MYO9B: variants seen among roughly 807,000 people sequenced by gnomAD.
MYO9B encodes the protein myosin IXB, also known as unconventional myosin-IXb.
A neutral mutation model predicts 229.5 loss-of-function variants in MYO9B; 71 were observed. The ratio of observed to expected loss-of-function variants is 0.31; its 90% CI spans 0.26 to 0.38. MYO9B has a LOEUF of 0.38. Ranked by LOEUF, MYO9B falls within the 10% of genes least tolerant of loss-of-function variation. The pLI is 1.00. For synonymous variants in MYO9B, 1,185 were observed against 1,235.8 expected, an observed-to-expected ratio of 0.96 and a Z score of 0.86; for missense variants, 2,255 against 2,920.5, an observed-to-expected ratio of 0.77 and a Z score of 5.25.
intron 11 of MYO9B, among the ~76,000 whole-genome samples, chr19:17,170,116 T>C (rs561376962): frequency 1.3e-5 from 2 of 151,974 alleles, no homozygotes; most frequent in Non-Finnish European, 2.9e-5. Flanking sequence ...AGGCTAGTCT[T>C]GAACTCCTGG....
chr19:17,119,512 G>A (rs1000380501), intron 2 of MYO9B, among the ~76,000 whole-genome samples: 6 of 152,158 alleles, frequency 3.9e-5, no homozygotes, highest in South Asian at 4.1e-4. Context: ...GCCTGAGTGC[G>A]CTCCCATCCT....
At chr19:17,135,266 AG>A (rs199673138) in intron 2 of MYO9B, among the ~76,000 whole-genome samples, 63 of 142,822 alleles carry the variant, frequency 4.4e-4, no homozygotes, top group African/African-American at 1.8e-3. Context: ...ATATTATAAA[AG>A]AAAAAAAAAT....
chr19:17,194,128 T>C (rs920064084), intron 21 of MYO9B, among the ~76,000 whole-genome samples: 61 of 151,930 alleles, frequency 4.0e-4, no homozygotes, highest in African/African-American at 1.5e-3. Flanking sequence ...GCCAAGATCG[T>C]GCCACTGCAT....
rs746341414 is a variant in MYO9B at position 17,209,606 on chromosome 19, A to C, written c.5645A>C (p.Lys1882Thr). ...TGTAGGTGCGTGGAGATGCTGATCA[A>C]GGAGCAGATGAGGAAATACAAAGTG... Reference protein sequence around the residue: ...KITTCVEMLIKEQMRKYKVKM... With the variant: ...KITTCVEMLITEQMRKYKVKM... Residue 1882 changes from lysine (K) to threonine (T), a missense_variant, in exon 36 of 40, where the codon AAG becomes ACG. Lys to Thr is a moderately conservative substitution (Grantham distance 78). Transcript: ENST00000682292. The C allele has an allele frequency of 6.3e-7, 1 of 1,599,778 alleles. No homozygotes were observed. The highest frequency in any genetic ancestry group is 1.1e-5 in the South Asian group (1 of 88,686).
At chr19:17,161,425 TC>T (rs1478664344) in intron 8 of MYO9B, among the ~76,000 whole-genome samples, 1 of 152,030 alleles carries the variant, frequency 6.6e-6, no homozygotes, top group Non-Finnish European at 1.5e-5. Context: ...ACGCATGTAA[TC>T]CCAACACTTA....
At chr19:17,179,964 G>A (rs550768607) in intron 14 of MYO9B, among the ~76,000 whole-genome samples, 18 of 151,634 alleles carry the variant, frequency 1.2e-4, no homozygotes, top group African/African-American at 4.4e-4. Context: ...GCCAGGCGCG[G>A]TGGCTCACAC....
At chr19:17,147,902 G>A (rs894094990) in intron 3 of MYO9B, among the ~76,000 whole-genome samples, 10 of 150,850 alleles carry the variant, frequency 6.6e-5, no homozygotes, top group African/African-American at 9.8e-5. Context: ...GGCTGGTCTC[G>A]AACTCCCGAC....
At chr19:17,106,503 C>G (rs1453590113) in intron 2 of MYO9B, among the ~76,000 whole-genome samples, 1 of 152,258 alleles carries the variant, frequency 6.6e-6, no homozygotes, top group Non-Finnish European at 1.5e-5. Flanking sequence ...GTCATCCCAG[C>G]TCTGAGACTC....
At position 17,152,651 on chromosome 19, in the gene MYO9B, G is replaced by A. The variant is rs368337581; in HGVS notation, c.943G>A (p.Val315Ile). The A allele has an allele frequency of 7.4e-6, 12 of 1,612,504 alleles. No homozygotes were observed. Among genetic ancestry groups the A allele is most frequent in the African/African-American group, 2.7e-5 (2 of 74,848 alleles). ...LESGIVRGAV[V>I]EKYLLEKSRL... The stretch of plus-strand genomic sequence containing the variant: ...TTTTTCTCTTAATGACAGAGCTGTC[G>A]TCGAGAAATATCTGCTTGAAAAGTC... The change falls in exon 4 of 40, where the codon GTC (valine) becomes ATC (isoleucine). Residue 315 changes from valine (V) to isoleucine (I), a missense_variant. By Grantham distance (29) the Val-to-Ile change is conservative. Around this residue, in one of 7 missense-constraint regions of MYO9B, gnomAD observed 386 missense variants for 515.2 expected, o/e 0.75. Coordinates refer to ENST00000682292, the MANE Select transcript of MYO9B (RefSeq NM_004145.4).
chr19:17,201,394 C>G (rs752472093), intron 26 of MYO9B, among the ~76,000 whole-genome samples: 1 of 152,096 alleles, frequency 6.6e-6, no homozygotes, highest in Non-Finnish European at 1.5e-5. Context: ...CATTTGGGAG[C>G]TGCACAGCGG....
At chr19:17,127,076 A>G (rs1316352681) in intron 2 of MYO9B, among the ~76,000 whole-genome samples, 2 of 141,250 alleles carry the variant, frequency 1.4e-5, no homozygotes, top group African/African-American at 5.4e-5. Flanking sequence ...CAGTGGCACA[A>G]TCTTGGATCA....
chr19:17,088,747 G>A (rs2123465560), intron 1 of MYO9B, among the ~76,000 whole-genome samples: 1 of 152,200 alleles, frequency 6.6e-6, no homozygotes, highest in South Asian at 2.1e-4. Context: ...CTGGAGTGCA[G>A]TGGCGCCATC....
rs376017269 is a variant in MYO9B at position 17,106,012 on chromosome 19, A to G, written c.840+3455A>G. On this transcript the variant is annotated intron_variant, in intron 2 of 39. Coordinates refer to ENST00000682292, the MANE Select transcript of MYO9B (RefSeq NM_004145.4). ...CCTCCCCTCTCCTCGCCTCTCCTCTATTCCTTTCTTGTCAGGGTCTCTCTC... is the reference window on the plus strand; with the variant it reads ...CCTCCCCTCTCCTCGCCTCTCCTCTGTTCCTTTCTTGTCAGGGTCTCTCTC... Among the ~76,000 whole-genome samples the G allele has an allele frequency of 5.1e-4, 61 of 120,450 alleles. 2 individuals are homozygous for G. In the South Asian group the frequency reaches 0.015, roughly 30 times the overall value. 79.0% of individuals were successfully genotyped at this position (120,450 alleles called of 152,430 possible).
chr19:17,207,217 G>C lies in MYO9B; in HGVS notation c.5597G>C (p.Ser1866Thr), dbSNP rs747720720. The change falls in exon 35 of 40, where the codon AGC (serine) becomes ACC (threonine). Residue 1866 changes from serine to threonine, a missense_variant. By Grantham distance (58) the Ser-to-Thr change is moderately conservative (BLOSUM62 1). This residue lies in a region of MYO9B where 416 missense variants were observed against 605.5 expected (regional missense o/e 0.69). Coordinates refer to ENST00000682292, the MANE Select transcript of MYO9B (RefSeq NM_004145.4). ...CCTGACAACTCGGACCCGCTGACCAGCATGAAGGACGTCCTCAAGATCACC... is the reference window on the plus strand; with the variant it reads ...CCTGACAACTCGGACCCGCTGACCACCATGAAGGACGTCCTCAAGATCACC... Reference protein sequence around the residue: ...RCPDNSDPLTSMKDVLKITTC... With the variant: ...RCPDNSDPLTTMKDVLKITTC... The C allele has an allele frequency of 6.3e-7, 1 of 1,599,506 alleles. No homozygotes were observed. Among genetic ancestry groups the C allele is most frequent in the African/African-American group, 1.3e-5 (1 of 74,628 alleles).
chr19:17,143,693 C>G (rs35257877), intron 2 of MYO9B, among the ~76,000 whole-genome samples: 31,020 of 151,748 alleles, frequency 0.2, 3,776 homozygotes, highest in African/African-American at 0.34. Flanking sequence ...GAGGCCGGGG[C>G]GGGCAGATCA....
In MYO9B at chr19:17,176,520, A is replaced by G. The variant is rs141131780; in HGVS notation, c.2219+779A>G. 4.5e-4 allele frequency among the ~76,000 whole-genome samples: 69 copies of G among 152,318 alleles called. No individual in the cohort carries two copies. In the East Asian group the frequency reaches 7.7e-3, roughly 17 times the overall value. ...GCTCTGAATAAGTCACTGAGCTTCCATTTGAAACAGAAAGACCCAGAACCA... is the reference window on the plus strand; with the variant it reads ...GCTCTGAATAAGTCACTGAGCTTCCGTTTGAAACAGAAAGACCCAGAACCA... On this transcript the variant is annotated intron_variant, in intron 14 of 39. Coordinates refer to ENST00000682292, the MANE Select transcript of MYO9B (RefSeq NM_004145.4).
rs2145055120 is a variant in MYO9B at position 17,106,946 on chromosome 19, C to T, written c.840+4389C>T. Among the ~76,000 whole-genome samples, 3 of 152,234 alleles carry T rather than the reference C, an allele frequency of 2.0e-5. 1 individual carries two copies. In the South Asian group the frequency reaches 6.2e-4, roughly 32 times the overall value. Reference sequence around the variant, plus strand: ...GGTGTGGTGGCGAGCGCCTATAATCCCAGGTACTTCGGAGGCTGAGGCAGG... The same window carrying T: ...GGTGTGGTGGCGAGCGCCTATAATCTCAGGTACTTCGGAGGCTGAGGCAGG... On this transcript the variant is annotated intron_variant, in intron 2 of 39. Transcript: ENST00000682292.
At chr19:17,148,046 C>G (rs1053979260) in intron 3 of MYO9B, among the ~76,000 whole-genome samples, 1 of 152,146 alleles carries the variant, frequency 6.6e-6, no homozygotes, top group Non-Finnish European at 1.5e-5. Flanking sequence ...ACCTTCCCAC[C>G]AGCAGTGCAC....
Position 17,212,058 on chromosome 19 carries a change from A to G in MYO9B, c.6222A>G (p.Pro2074=), listed in dbSNP as rs1426426934. The G allele has an allele frequency of 6.2e-7, 1 of 1,602,482 alleles. No homozygotes were observed. Residue 2074 remains proline, a synonymous_variant, in exon 40 of 40, where the codon CCA becomes CCG. Transcript: ENST00000682292. This position sits in a 1 kb window ranked among gnomAD's most constrained non-coding sequence, Gnocchi z 5.4. ...CCACGGCCAACATCAAGCTCCCACC[A>G]GGCCTGCCCTCCCACCTGCCTCGCT... The part of the protein sequence containing the change: ...IMPTANIKLP[P]GLPSHLPRWA...
Sources: gnomAD v4.1 joint callset for allele counts (sites outside exome capture counted in the v4.1 genomes callset) on GRCh38, gnomAD v4.1.1 for gene constraint, gnomAD v4.1.1 regional missense constraint, Gnocchi (gnomAD v3.1) non-coding constraint, MANE v1.5 for transcripts, NCBI Gene and HGNC (gene_info 2026-07-23, HGNC 2026-07-21) for gene names.